The following TAFA4 variants were observed in gnomAD, a reference collection of about 807,000 sequenced individuals.
TAFA4 encodes chemokine-like protein TAFA-4.
In TAFA4, 20 loss-of-function variants were observed where a neutral mutation model predicts 21.1. The ratio of observed to expected loss-of-function variants is 0.95; its 90% CI spans 0.67 to 1.38. TAFA4 has a LOEUF of 1.38. Ranked by LOEUF, TAFA4 falls within the 40% of genes most tolerant of loss-of-function variation. TAFA4 has a pLI of 0.00. For synonymous variants in TAFA4, 71 were observed against 67.4 expected (o/e 1.05, Z -0.26); for missense variants, 211 against 180.9 (o/e 1.17, Z -0.95).
At chr3:68,896,129 G>A (rs2089786613) in intron 1 of TAFA4, among the ~76,000 whole-genome samples, 1 of 152,146 alleles carries the variant, frequency 6.6e-6, no homozygotes, top group Admixed American at 6.5e-5. Context: ...GCAAAGAGAG[G>A]TAGGAGGTAA....
intron 3 of TAFA4, among the ~76,000 whole-genome samples, chr3:68,777,514 C>A (rs1703069889): frequency 6.6e-6 from 1 of 151,990 alleles, no homozygotes; most frequent in African/African-American, 2.4e-5. Flanking sequence ...TAAGCAGCTA[C>A]ATAGGGATAG....
At chr3:68,840,183 A>T (rs542754642) in intron 3 of TAFA4, among the ~76,000 whole-genome samples, 1 of 152,230 alleles carries the variant, frequency 6.6e-6, no homozygotes, top group South Asian at 2.1e-4. Flanking sequence ...AGGTGTTGGC[A>T]CTTTTGGTTG....
chr3:68,859,344 T>G (rs1337446183), intron 3 of TAFA4, among the ~76,000 whole-genome samples: 3 of 152,144 alleles, frequency 2.0e-5, no homozygotes, highest in South Asian at 4.1e-4. Flanking sequence ...AAAACTTGAA[T>G]CCCTTCCTCC....
At chr3:68,867,522 T>G (rs1438825918) in intron 3 of TAFA4, among the ~76,000 whole-genome samples, 2 of 152,066 alleles carry the variant, frequency 1.3e-5, no homozygotes, top group Non-Finnish European at 2.9e-5. Flanking sequence ...AGTACACAGA[T>G]AAATTCAAAA....
chr3:68,733,741 G>A (rs1472116116), intron 5 of TAFA4, among the ~76,000 whole-genome samples: 2 of 151,744 alleles, frequency 1.3e-5, no homozygotes, highest in Non-Finnish European at 2.9e-5. Context: ...CAGCACAGGT[G>A]GAAAAAAAAG....
intron 3 of TAFA4, among the ~76,000 whole-genome samples, chr3:68,868,110 T>C (rs1367804805): frequency 6.6e-6 from 1 of 151,990 alleles, no homozygotes; most frequent in Non-Finnish European, 1.5e-5. Context: ...AGAAATTCAC[T>C]TCACCTATAA....
At chr3:68,930,900 T>C (rs575115060) in intron 1 of TAFA4, among the ~76,000 whole-genome samples, 1 of 152,338 alleles carries the variant, frequency 6.6e-6, no homozygotes, top group East Asian at 1.9e-4. Flanking sequence ...AAAATGGCTG[T>C]TCCTAAATTA....
At chr3:68,855,115 A>G (rs1705042993) in intron 3 of TAFA4, among the ~76,000 whole-genome samples, 1 of 152,202 alleles carries the variant, frequency 6.6e-6, no homozygotes, top group Non-Finnish European at 1.5e-5. Flanking sequence ...GTAAGTCACA[A>G]CAGAACTATG....
intron 3 of TAFA4, among the ~76,000 whole-genome samples, chr3:68,877,884 G>A (rs991871910): frequency 6.6e-6 from 1 of 152,130 alleles, no homozygotes; most frequent in African/African-American, 2.4e-5. Context: ...TGTTTACTAT[G>A]TGCTAATCCC....
chr3:68,919,616 T>C (rs567643700), intron 1 of TAFA4, among the ~76,000 whole-genome samples: 1 of 152,330 alleles, frequency 6.6e-6, no homozygotes, highest in African/African-American at 2.4e-5. Flanking sequence ...ATTTGCTTCT[T>C]GAGTCACATT....
chr3:68,854,218 G>A (rs184829451), intron 3 of TAFA4, among the ~76,000 whole-genome samples: 63 of 152,106 alleles, frequency 4.1e-4, no homozygotes, highest in South Asian at 8.3e-4. Flanking sequence ...TCCAGGTGGA[G>A]GGAACACAGG....
chr3:68,778,451 T>C (rs956332682), intron 3 of TAFA4, among the ~76,000 whole-genome samples: 3 of 152,186 alleles, frequency 2.0e-5, no homozygotes, highest in Non-Finnish European at 4.4e-5. Flanking sequence ...CAATTACAGT[T>C]GGAGACTGAT....
intron 3 of TAFA4, among the ~76,000 whole-genome samples, chr3:68,779,810 A>G (rs995390616): frequency 1.3e-5 from 2 of 152,206 alleles, no homozygotes; most frequent in Admixed American, 6.5e-5. Context: ...TGGAGCCCCC[A>G]CACAGAGTCT....
chr3:68,769,133 C>T (rs535407393), intron 3 of TAFA4, among the ~76,000 whole-genome samples: 1 of 152,222 alleles, frequency 6.6e-6, no homozygotes, highest in Non-Finnish European at 1.5e-5. Context: ...TCTGTATTTA[C>T]AGCTGCTCCC....
In TAFA4 at chr3:68,732,595, C is replaced by T. The variant is rs998028394; in HGVS notation, c.*547G>A. On this transcript the variant is annotated 3_prime_UTR_variant, in exon 6 of 6. Coordinates refer to ENST00000295569, the MANE Select transcript of TAFA4 (RefSeq NM_182522.5). ...AATAATCCAACTATGTCCTTCTATT[C>T]TTCAAGGGTTATAAAATAAACGTTC... 1 of 152,762 alleles carries T rather than the reference C, an allele frequency of 6.5e-6. No homozygotes were observed. The allele number at this position is 152,762 out of a possible 1,614,324, so 9.5% of individuals were successfully genotyped here. A position where few individuals can be genotyped will look rare whatever the true frequency, so the allele number is the denominator to read the frequency against.
At chr3:68,892,212 T>C (rs1468670759) in intron 1 of TAFA4, among the ~76,000 whole-genome samples, 3 of 152,198 alleles carry the variant, frequency 2.0e-5, no homozygotes, top group Non-Finnish European at 4.4e-5. Context: ...ATGTGGTATA[T>C]ACCTGTCATA....
intron 3 of TAFA4, among the ~76,000 whole-genome samples, chr3:68,876,085 T>G (rs1473162511): frequency 2.0e-5 from 3 of 152,150 alleles, no homozygotes; most frequent in African/African-American, 7.2e-5. Context: ...TCATTATTAG[T>G]TCATGGGACT....
intron 3 of TAFA4, among the ~76,000 whole-genome samples, chr3:68,809,913 C>T (rs1309488073): frequency 6.6e-6 from 1 of 152,152 alleles, no homozygotes; most frequent in African/African-American, 2.4e-5. Context: ...ATTCTGTCCC[C>T]TTGGTCTATG....
intron 4 of TAFA4, among the ~76,000 whole-genome samples, chr3:68,745,315 C>G (rs1033762930): frequency 6.6e-6 from 1 of 152,182 alleles, no homozygotes; most frequent in African/African-American, 2.4e-5. Context: ...TGAGCCTTGT[C>G]TCCACAGGAA....
Sources: allele counts gnomAD v4.1 joint callset (sites outside exome capture counted in the v4.1 genomes callset), GRCh38; gene constraint gnomAD v4.1.1; transcripts MANE v1.5; gene names NCBI Gene and HGNC (gene_info 2026-07-23, HGNC 2026-07-21).